Variants in TRIM13 observed in about 807,000 individuals in gnomAD.
The protein encoded by TRIM13 is E3 ubiquitin-protein ligase TRIM13.
Under a neutral mutation model 27.1 loss-of-function variants are expected in TRIM13, and 15 were observed. The ratio of observed to expected loss-of-function variants is 0.55; its 90% CI spans 0.37 to 0.85. The LOEUF (loss-of-function observed/expected upper bound fraction) is 0.85. Among genes scored for constraint, TRIM13 ranks in the 40% least tolerant of loss-of-function variants. TRIM13 has a pLI of 0.00. For missense variants in TRIM13, 402 were observed against 472.2 expected (o/e 0.85, Z 1.38); for synonymous variants, 193 against 171.5 (o/e 1.13, Z -0.98).
At chr13:50,007,971 C>CT (rs1218590014) in intron 1 of TRIM13, among the ~76,000 whole-genome samples, 3 of 151,024 alleles carry the variant, frequency 2.0e-5, no homozygotes, top group Non-Finnish European at 4.4e-5. Flanking sequence ...GTGGCGCTGT[C>CT]TCGGCTAACT....
At chr13:50,004,655 A>G (rs1348367406) in intron 1 of TRIM13, among the ~76,000 whole-genome samples, 2 of 151,934 alleles carry the variant, frequency 1.3e-5, no homozygotes, top group Admixed American at 6.6e-5. Context: ...TCCGAGCTAC[A>G]CGGGAGGCTG....
At chr13:49,999,321 C>T (rs1357053310) in intron 1 of TRIM13, among the ~76,000 whole-genome samples, 1 of 152,110 alleles carries the variant, frequency 6.6e-6, no homozygotes. Flanking sequence ...ACCACCTCCT[C>T]AAGCCTCTGT....
intron 1 of TRIM13, among the ~76,000 whole-genome samples, chr13:50,006,457 T>A (rs1874723495): frequency 6.6e-6 from 1 of 152,184 alleles, no homozygotes; most frequent in South Asian, 2.1e-4. Context: ...ATTGCAAGGA[T>A]GAGTAAATTA....
Position 50,012,200 on chromosome 13 carries a change from T to C in TRIM13, c.260T>C (p.Ile87Thr). 6.2e-7 allele frequency: 1 copy of C among 1,614,132 alleles called. No individual in the cohort carries two copies. Among genetic ancestry groups the C allele is most frequent in the Non-Finnish European group, 8.5e-7 (1 of 1,180,014 alleles). ...GTGGAAAAGTATAACAAGATCAAGA[T>C]CTCTCCCAAAATGCCAGTATGCAAA... ...GIVEKYNKIK[I>T]SPKMPVCKGH... The change falls in exon 2 of 2, where the codon ATC becomes ACC. Residue 87 changes from isoleucine (I) to threonine (T), a missense_variant. By Grantham distance (89) the Ile-to-Thr change is moderately conservative. Transcript: ENST00000378182.
intron 1 of TRIM13, among the ~76,000 whole-genome samples, chr13:49,999,390 A>C (rs540890132): frequency 2.7e-4 from 41 of 152,186 alleles, no homozygotes; most frequent in Non-Finnish European, 5.4e-4. Context: ...GATATTTCTC[A>C]GCGTGAGGAA....
chr13:50,011,134 G>GTC (rs1875583709), intron 1 of TRIM13, among the ~76,000 whole-genome samples: 1 of 152,168 alleles, frequency 6.6e-6, no homozygotes, highest in Non-Finnish European at 1.5e-5. Context: ...CTTCAGCAGT[G>GTC]TCTACACACC....
Position 50,014,337 on chromosome 13 carries a change from A to AT in TRIM13, c.*1173_*1174insT. On this transcript the variant is annotated 3_prime_UTR_variant, in exon 2 of 2. Transcript: ENST00000378182. ...CCAAAAAAAAAAAAAAAAAAAAAAA[A>AT]AAAAAAAATATATATATATATATAC... The AT allele has an allele frequency of 1.4e-5, 1 of 69,856 alleles. No homozygotes were observed. Among genetic ancestry groups the AT allele is most frequent in the Non-Finnish European group, 2.7e-5 (1 of 36,378 alleles). The allele number at this position is 69,856 out of a possible 1,614,324, so 4.3% of individuals were successfully genotyped here.
intron 1 of TRIM13, among the ~76,000 whole-genome samples, chr13:50,008,061 C>T (rs963199256): frequency 1.3e-5 from 2 of 151,830 alleles, no homozygotes; most frequent in African/African-American, 4.8e-5. Flanking sequence ...CCTGCCACCA[C>T]GCCCAGCTAA....
At chr13:50,010,175 A>C (rs964756922) in intron 1 of TRIM13, among the ~76,000 whole-genome samples, 28 of 151,216 alleles carry the variant, frequency 1.9e-4, no homozygotes, top group Non-Finnish European at 3.5e-4. Flanking sequence ...CAGCCTCCCG[A>C]GTAGTTGGGA....
At position 50,014,639 on chromosome 13, in the gene TRIM13, T is replaced by TA. The variant is rs931781934; in HGVS notation, c.*1478dup. On this transcript the variant is annotated 3_prime_UTR_variant, in exon 2 of 2. Transcript: ENST00000378182. ...TGCTGTTCTGTCTGCTCACAAGAGA[T>TA]AAAGATACCCTCTCATGGAATAAAC... The TA allele has an allele frequency of 1.0e-3, 168 of 166,820 alleles. No homozygotes were observed. Among genetic ancestry groups the TA allele is most frequent in the Admixed American group, 4.3e-3 (65 of 15,236 alleles). 10.3% of individuals were successfully genotyped at this position (166,820 alleles called of 1,614,324 possible).
In TRIM13 at chr13:50,013,339, G is replaced by A. The variant is rs931039676; in HGVS notation, c.*175G>A. On this transcript the variant is annotated 3_prime_UTR_variant, in exon 2 of 2. Coordinates refer to ENST00000378182, the MANE Select transcript of TRIM13 (RefSeq NM_213590.3). ...ATAAAGATAAAAGTGAAATTTAGTAGTATAGGCCTGAACCTTTTTTTGTTT... is the reference window on the plus strand; with the variant it reads ...ATAAAGATAAAAGTGAAATTTAGTAATATAGGCCTGAACCTTTTTTTGTTT... The A allele has an allele frequency of 4.8e-6, 3 of 623,428 alleles. No homozygotes were observed. In the East Asian group the frequency reaches 9.8e-5, roughly 20 times the overall value. 38.6% of individuals were successfully genotyped at this position (623,428 alleles called of 1,614,324 possible).
chr13:50,015,412 T>C lies in TRIM13; in HGVS notation c.*2248T>C, dbSNP rs1876411327. The C allele has an allele frequency of 9.8e-7, 1 of 1,018,088 alleles. No individual in the cohort carries two copies. Among genetic ancestry groups the C allele is most frequent in the South Asian group, 1.6e-5 (1 of 63,856 alleles). The allele number at this position is 1,018,088 out of a possible 1,614,324, so 63.1% of individuals were successfully genotyped here. On this transcript the variant is annotated 3_prime_UTR_variant, in exon 2 of 2. Transcript: ENST00000378182. ...TTCCCTCCCCTCCACTGCATAATCA[T>C]GTATAACTAGCAACATTTATGGTTA...
chr13:50,009,439 CTA>C (rs780057390), intron 1 of TRIM13, among the ~76,000 whole-genome samples: 2 of 151,842 alleles, frequency 1.3e-5, no homozygotes, highest in Non-Finnish European at 2.9e-5. Context: ...GAGACCCTGT[CTA>C]TAAAAAAATC....
rs929021797 is a variant in TRIM13 at position 50,016,479 on chromosome 13, A to G, written c.*3315A>G. 3 of 174,840 alleles carry G rather than the reference A, an allele frequency of 1.7e-5. No homozygotes were observed. Among genetic ancestry groups the G allele is most frequent in the Non-Finnish European group, 2.7e-5 (2 of 73,370 alleles). The allele number at this position is 174,840 out of a possible 1,614,324, so 10.8% of individuals were successfully genotyped here. On this transcript the variant is annotated 3_prime_UTR_variant, in exon 2 of 2. Transcript: ENST00000378182. Reference sequence around the variant, plus strand: ...TTCTCTTGAGTTCCTTACACACTATATAAGTTGTTCTTTCAGTTTTATGAT... The same window carrying G: ...TTCTCTTGAGTTCCTTACACACTATGTAAGTTGTTCTTTCAGTTTTATGAT...
Position 50,015,317 on chromosome 13 carries a change from A to G in TRIM13, c.*2153A>G, listed in dbSNP as rs1876397514. On this transcript the variant is annotated 3_prime_UTR_variant, in exon 2 of 2. Coordinates refer to ENST00000378182, the MANE Select transcript of TRIM13 (RefSeq NM_213590.3). ...AGTTCCCAGGCAACTCGAATTTGCA[A>G]ACACAGCCATGGATACACTATTTAC... 2 of 504,992 alleles carry G rather than the reference A, an allele frequency of 4.0e-6. No individual in the cohort carries two copies. Among genetic ancestry groups the G allele is most frequent in the South Asian group, 4.6e-5 (1 of 21,966 alleles). 31.3% of individuals were successfully genotyped at this position (504,992 alleles called of 1,614,324 possible).
At chr13:50,005,267 T>A (rs1032932283) in intron 1 of TRIM13, among the ~76,000 whole-genome samples, 1 of 152,110 alleles carries the variant, frequency 6.6e-6, no homozygotes, top group Non-Finnish European at 1.5e-5. Flanking sequence ...ACTTAAATTA[T>A]CCTTCAAAAC....
chr13:50,012,823 G>T lies in TRIM13; in HGVS notation c.883G>T (p.Asp295Tyr), dbSNP rs776080587. The T allele has an allele frequency of 1.9e-6, 3 of 1,614,090 alleles. No individual in the cohort carries two copies. Among genetic ancestry groups the T allele is most frequent in the Non-Finnish European group, 2.5e-6 (3 of 1,179,998 alleles). The change falls in exon 2 of 2, where the codon GAT (aspartate) becomes TAT (tyrosine). Residue 295 changes from aspartate (D) to tyrosine (Y), a missense_variant. Physicochemically the swap from Asp to Tyr is radical, Grantham distance 160. This residue lies in a region of TRIM13 where 200 missense variants were observed against 194.7 expected (regional missense o/e 1.03). Coordinates refer to ENST00000378182, the MANE Select transcript of TRIM13 (RefSeq NM_213590.3). Reference protein sequence around the residue: ...QWEDIKLVDVDKLSLPQDTGT... With the variant: ...QWEDIKLVDVYKLSLPQDTGT... ...GGAAGACATAAAACTAGTCGATGTG[G>T]ATAAACTTTCTTTGCCTCAAGACAC...
chr13:50,017,023 C>T lies in TRIM13; in HGVS notation c.*3859C>T, dbSNP rs1017701418. 1 of 166,868 alleles carries T rather than the reference C, an allele frequency of 6.0e-6. No individual in the cohort carries two copies. Among genetic ancestry groups the T allele is most frequent in the African/African-American group, 2.4e-5 (1 of 41,408 alleles). The allele number at this position is 166,868 out of a possible 1,614,324, so 10.3% of individuals were successfully genotyped here. A position where few individuals can be genotyped will look rare whatever the true frequency, so the allele number is the denominator to read the frequency against. ...CACTAGGTAGAATAACCGAGTATGACAATTCTTAATTGTTTACATTTTATA... is the reference window on the plus strand; with the variant it reads ...CACTAGGTAGAATAACCGAGTATGATAATTCTTAATTGTTTACATTTTATA... On this transcript the variant is annotated 3_prime_UTR_variant, in exon 2 of 2. Transcript: ENST00000378182.
At chr13:49,998,836 C>G (rs1873611148) in intron 1 of TRIM13, among the ~76,000 whole-genome samples, 1 of 150,230 alleles carries the variant, frequency 6.7e-6, no homozygotes, top group Admixed American at 6.7e-5. Flanking sequence ...GAGGCTGAGG[C>G]AGAAGAACCA....
Sources: allele counts gnomAD v4.1 joint callset (sites outside exome capture counted in the v4.1 genomes callset), GRCh38; gene constraint gnomAD v4.1.1; regional missense constraint gnomAD v4.1.1; transcripts MANE v1.5; gene names NCBI Gene and HGNC (gene_info 2026-07-23, HGNC 2026-07-21).